Variants in MAGI2 observed in about 807,000 individuals in gnomAD.
The protein encoded by MAGI2 is membrane-associated guanylate kinase, WW and PDZ domain-containing protein 2.
In MAGI2, 35 loss-of-function variants were observed where a neutral mutation model predicts 133.3. The observed-to-expected ratio is 0.26, with a 90% confidence interval of 0.20 to 0.35. The LOEUF (loss-of-function observed/expected upper bound fraction) is 0.35. MAGI2 is among the 10% of genes least tolerant of loss of function. The pLI is 1.00. For synonymous variants in MAGI2, 729 were observed against 710.6 expected (o/e 1.03, Z -0.41); for missense variants, 1,636 against 1,863.4 (o/e 0.88, Z 2.25).
chr7:78,943,901 G>GT (rs758666670), intron 2 of MAGI2, among the ~76,000 whole-genome samples: 2 of 152,052 alleles, frequency 1.3e-5, no homozygotes, highest in Non-Finnish European at 2.9e-5. Context: ...CACTATAAAT[G>GT]TTTTTTCCTA....
chr7:78,276,027 A>G (rs1795026136), intron 9 of MAGI2, among the ~76,000 whole-genome samples: 1 of 152,202 alleles, frequency 6.6e-6, no homozygotes, highest in African/African-American at 2.4e-5. Context: ...AATTCTACTC[A>G]GGAAACTGAC....
chr7:79,447,057 A>C (rs181080179), intron 1 of MAGI2, among the ~76,000 whole-genome samples: 3 of 152,356 alleles, frequency 2.0e-5, no homozygotes, highest in African/African-American at 7.2e-5. Context: ...TGTTTCTTCC[A>C]GACCACTCAA....
intron 10 of MAGI2, among the ~76,000 whole-genome samples, chr7:78,240,504 A>G (rs1256014354): frequency 6.6e-6 from 1 of 152,196 alleles, no homozygotes; most frequent in Non-Finnish European, 1.5e-5. Context: ...TGGGTGAACT[A>G]AAGCATATTT....
chr7:78,445,514 A>G (rs1054385941), intron 6 of MAGI2, among the ~76,000 whole-genome samples: 1 of 152,104 alleles, frequency 6.6e-6, no homozygotes, highest in Admixed American at 6.6e-5. Flanking sequence ...AATAATTTGG[A>G]TGAATACAAA....
chr7:78,985,846 AT>A (rs1171327901), intron 2 of MAGI2, among the ~76,000 whole-genome samples: 1 of 152,038 alleles, frequency 6.6e-6, no homozygotes, highest in Non-Finnish European at 1.5e-5. Flanking sequence ...CTGGATATGT[AT>A]TTGCCTTTAA....
At chr7:78,318,644 G>T (rs1040903783) in intron 9 of MAGI2, among the ~76,000 whole-genome samples, 5 of 152,096 alleles carry the variant, frequency 3.3e-5, no homozygotes, top group African/African-American at 1.2e-4. Flanking sequence ...TCCTCAAGAA[G>T]AGCAACCTCA....
intron 20 of MAGI2, among the ~76,000 whole-genome samples, chr7:78,113,136 G>C (rs556912835): frequency 3.3e-4 from 35 of 104,614 alleles, no homozygotes; most frequent in Non-Finnish European, 7.5e-4. Context: ...CTGGGAGGGG[G>C]ACTGGGGATA....
chr7:78,153,768 C>A (rs1445794375), intron 16 of MAGI2, among the ~76,000 whole-genome samples: 1 of 152,176 alleles, frequency 6.6e-6, no homozygotes, highest in East Asian at 1.9e-4. Context: ...CATGCTGATT[C>A]CTGGCATCAT....
intron 9 of MAGI2, among the ~76,000 whole-genome samples, chr7:78,322,706 C>T (rs1164889522): frequency 6.6e-6 from 1 of 151,958 alleles, no homozygotes; most frequent in Non-Finnish European, 1.5e-5. Flanking sequence ...ACATGTATAC[C>T]TATGTAACAA....
chr7:79,149,237 T>C (rs1180961765), intron 1 of MAGI2, among the ~76,000 whole-genome samples: 1 of 150,176 alleles, frequency 6.7e-6, no homozygotes, highest in Non-Finnish European at 1.5e-5. Context: ...TCTGGGCATC[T>C]TCCTGACACT....
At chr7:78,427,721 A>G (rs1799425650) in intron 6 of MAGI2, among the ~76,000 whole-genome samples, 1 of 151,898 alleles carries the variant, frequency 6.6e-6, no homozygotes, top group African/African-American at 2.4e-5. Flanking sequence ...GGAAGCTTAC[A>G]TTTATTCTAT....
At chr7:78,312,321 A>G (rs912689315) in intron 9 of MAGI2, among the ~76,000 whole-genome samples, 7 of 152,178 alleles carry the variant, frequency 4.6e-5, no homozygotes, top group African/African-American at 1.7e-4. Flanking sequence ...TTAAGAATGA[A>G]CATCAAACCT....
chr7:79,450,372 A>G (rs533831573), intron 1 of MAGI2, among the ~76,000 whole-genome samples: 1 of 152,182 alleles, frequency 6.6e-6, no homozygotes, highest in East Asian at 1.9e-4. Context: ...AATAAAATTA[A>G]TCTATGATTT....
chr7:78,583,749 A>G (rs765616779), intron 3 of MAGI2, among the ~76,000 whole-genome samples: 2 of 152,146 alleles, frequency 1.3e-5, no homozygotes, highest in Non-Finnish European at 2.9e-5. Context: ...CTGTTGCTTG[A>G]TTGATTTATA....
At chr7:79,110,163 C>G (rs1033480373) in intron 1 of MAGI2, among the ~76,000 whole-genome samples, 1 of 151,626 alleles carries the variant, frequency 6.6e-6, no homozygotes, top group African/African-American at 2.4e-5. Context: ...CATGGAAAAG[C>G]CTGGGTGCCC....
intron 2 of MAGI2, among the ~76,000 whole-genome samples, chr7:78,771,966 C>T (rs1825629248): frequency 6.6e-6 from 1 of 152,180 alleles, no homozygotes. Flanking sequence ...CAAGTATCCT[C>T]TTCTTGCAAC....
chr7:78,667,227 A>T (rs572352110), intron 2 of MAGI2, among the ~76,000 whole-genome samples: 1 of 151,988 alleles, frequency 6.6e-6, no homozygotes, highest in African/African-American at 2.4e-5. Context: ...TTGTCCTTTT[A>T]TGTCCACACC....
chr7:78,658,525 C>T lies in MAGI2; in HGVS notation c.419-31286G>A, dbSNP rs78858568. On this transcript the variant is annotated intron_variant, in intron 2 of 21. Coordinates refer to ENST00000354212, the MANE Select transcript of MAGI2 (RefSeq NM_012301.4). ...TGTATGAAAGACTCTGTTAAGAGCACGAAAAGACAAAATACGGCCTGGGAA... is the reference window on the plus strand; with the variant it reads ...TGTATGAAAGACTCTGTTAAGAGCATGAAAAGACAAAATACGGCCTGGGAA... Among the ~76,000 whole-genome samples, 1,033 of 151,934 alleles carry T rather than the reference C, an allele frequency of 6.8e-3. 16 individuals are homozygous for T. The highest frequency in any genetic ancestry group is 0.024 in the African/African-American group (988 of 41,402).
chr7:78,396,222 G>A (rs1393428494), intron 6 of MAGI2, among the ~76,000 whole-genome samples: 1 of 151,984 alleles, frequency 6.6e-6, no homozygotes, highest in Non-Finnish European at 1.5e-5. Flanking sequence ...TAGAAACCAG[G>A]TACAATCATA....
Sources: allele counts gnomAD v4.1 joint callset (sites outside exome capture counted in the v4.1 genomes callset), GRCh38; gene constraint gnomAD v4.1.1; transcripts MANE v1.5; gene names NCBI Gene and HGNC (gene_info 2026-07-23, HGNC 2026-07-21).